The following IL3RA variants were observed in gnomAD, a reference collection of about 807,000 sequenced individuals.
IL3RA encodes interleukin-3 receptor subunit alpha.
IL3RA carries 73 observed loss-of-function variants against 52.3 expected under a neutral mutation model. That is an observed-to-expected ratio of 1.40 (90% CI 1.16 to 1.70). IL3RA has a LOEUF of 1.70. Among genes scored for constraint, IL3RA ranks in the 40% most tolerant of loss-of-function variants. IL3RA has a pLI of 0.00. For missense variants in IL3RA, 664 were observed against 504.4 expected, an observed-to-expected ratio of 1.32 and a Z score of -3.03; for synonymous variants, 260 against 194.0, an observed-to-expected ratio of 1.34 and a Z score of -2.83.
chrX:1,352,224 C>A lies in IL3RA; in HGVS notation c.423C>A (p.Asn141Lys), dbSNP rs142385163. 2 of 1,613,616 alleles carry A rather than the reference C, an allele frequency of 1.2e-6. No individual in the cohort carries two copies. Among genetic ancestry groups the A allele is most frequent in the Admixed American group, 1.7e-5 (1 of 59,988 alleles). The change falls in exon 5 of 12, where the codon AAC becomes AAA. Residue 141 changes from asparagine to lysine, a missense_variant. Physicochemically the swap from Asn to Lys is moderately conservative, Grantham distance 94. Coordinates refer to ENST00000331035, the MANE Select transcript of IL3RA (RefSeq NM_002183.4). ...ACGTCCAGTACGACCTGTACTTGAA[C>A]GTTGCCAAGTAGGTGTGCCCGTGGG... is the stretch of plus-strand genomic sequence containing the variant. ...PADVQYDLYL[N>K]VANRRQQYEC... is the part of the protein sequence containing the mutation.
In IL3RA at chrX:1,358,992, AAAT is replaced by A. The variant is rs2086951842; in HGVS notation, c.759+109_759+111del. ...AAAATATTAATAATTCTTATTAATA[AAAT>A]AATGAAAATATTATTAATAATAAAT... On this transcript the variant is annotated intron_variant, in intron 8 of 11. Transcript: ENST00000331035. 1.0e-5 allele frequency: 8 copies of A among 764,602 alleles called. No homozygotes were observed. In the South Asian group the frequency reaches 2.1e-4, roughly 20 times the overall value. The allele number at this position is 764,602 out of a possible 1,614,324, so 47.4% of individuals were successfully genotyped here.
intron 4 of IL3RA, 32 bp downstream of exon 4, chrX:1,348,577 C>T: frequency 6.7e-7 from 1 of 1,502,594 alleles, no homozygotes; most frequent in Non-Finnish European, 9.3e-7. Context: ...TGTTTATTCT[C>T]TATTCCCTCC....
Position 1,348,644 on chromosome X carries a change from C to CTTTTTCTTTCTTTT in IL3RA, c.298+100_298+101insTTTTCTTTCTTTTT, listed in dbSNP as rs1355205373. 6.1e-6 allele frequency: 3 copies of CTTTTTCTTTCTTTT among 493,092 alleles called. No individual in the cohort carries two copies. The African/African-American group carries it at 1.1e-4, about 19-fold the overall frequency. The allele number at this position is 493,092 out of a possible 1,614,324, so 30.5% of individuals were successfully genotyped here. A position where few individuals can be genotyped will look rare whatever the true frequency, so the allele number is the denominator to read the frequency against. On this transcript the variant is annotated intron_variant, in intron 4 of 11. Coordinates refer to ENST00000331035, the MANE Select transcript of IL3RA (RefSeq NM_002183.4). ...GCTGTGTCTTTTTTCTTTTCTTTTT[C>CTTTTTCTTTCTTTT]TCTTTCTTTCTTTCTTTCTTTCTTT...
At chrX:1,359,112 C>G (rs1272669266) in intron 8 of IL3RA, among the ~76,000 whole-genome samples, 1 of 151,924 alleles carries the variant, frequency 6.6e-6, no homozygotes, top group East Asian at 1.9e-4. Flanking sequence ...TTCACATCCC[C>G]AAATTGAGGG....
chrX:1,345,633 G>A lies in IL3RA; in HGVS notation c.183+199G>A, dbSNP rs779939536. Among the ~76,000 whole-genome samples the A allele has an allele frequency of 2.0e-4, 31 of 151,766 alleles. No individual in the cohort carries two copies. The East Asian group carries it at 6.0e-3, about 30-fold the overall frequency. On this transcript the variant is annotated intron_variant, in intron 3 of 11. Coordinates refer to ENST00000331035, the MANE Select transcript of IL3RA (RefSeq NM_002183.4). ...ACCTCCCGAGTAGCTGGGACTACAG[G>A]CGCCCGCCACCATGCCCGGCTAATT... is the stretch of plus-strand genomic sequence containing the variant.
Position 1,348,433 on chromosome X carries a change from A to C in IL3RA, c.186A>C (p.Ala62=), listed in dbSNP as rs768234844. The change falls in exon 4 of 12, where the codon GCA becomes GCC. Residue 62 remains alanine, a splice_region_variant and synonymous_variant. Transcript: ENST00000331035. The part of the protein sequence containing the change: ...CVKDADYSMP[A]VNNSYCQFGA... ...TCATAGTCCTATGTCTCTCTTAGGCAGTGAACAATAGCTATTGCCAGTTTG... is the reference window on the plus strand; with the variant it reads ...TCATAGTCCTATGTCTCTCTTAGGCCGTGAACAATAGCTATTGCCAGTTTG... 9 of 1,610,500 alleles carry C rather than the reference A, an allele frequency of 5.6e-6. No homozygotes were observed. The African/African-American group carries it at 8.0e-5, about 14-fold the overall frequency.
In IL3RA at chrX:1,348,376, G is replaced by C. The variant is rs2085872271; in HGVS notation, c.184-55G>C. 9.6e-6 allele frequency: 13 copies of C among 1,352,274 alleles called. 1 individual carries two copies. In the South Asian group the frequency reaches 1.4e-4, roughly 15 times the overall value. The allele number at this position is 1,352,274 out of a possible 1,614,324, so 83.8% of individuals were successfully genotyped here. A position where few individuals can be genotyped will look rare whatever the true frequency, so the allele number is the denominator to read the frequency against. On this transcript the variant is annotated intron_variant, in intron 3 of 11. Transcript: ENST00000331035. ...CTCAAAAAAAATCTGAACATCATTA[G>C]CGTCAAATTAAGCATGGTCTGTCAG...
intron 4 of IL3RA, among the ~76,000 whole-genome samples, chrX:1,349,579 A>G (rs1268392317): frequency 6.7e-6 from 1 of 149,416 alleles, no homozygotes. Flanking sequence ...CCCAAAGTGC[A>G]GGGATTGTAA....
chrX:1,344,356 C>A (rs1276117622), intron 2 of IL3RA, among the ~76,000 whole-genome samples: 1 of 151,902 alleles, frequency 6.6e-6, no homozygotes, highest in Non-Finnish European at 1.5e-5. Context: ...ATCGCTTGAA[C>A]CCGGGAGGCG....
At position 1,348,339 on chromosome X, in the gene IL3RA, G is replaced by A; in HGVS notation, c.184-92G>A. On this transcript the variant is annotated intron_variant, in intron 3 of 11. Transcript: ENST00000331035. Reference sequence around the variant, plus strand: ...CTGCACTCCAGCGTGGGCGACGAGAGCGAAACTCTGCCTCAAAAAAAATCT... The same window carrying A: ...CTGCACTCCAGCGTGGGCGACGAGAACGAAACTCTGCCTCAAAAAAAATCT... 3 of 1,005,414 alleles carry A rather than the reference G, an allele frequency of 3.0e-6. No individual in the cohort carries two copies. The South Asian group carries it at 3.9e-5, about 13-fold the overall frequency. 62.3% of individuals were successfully genotyped at this position (1,005,414 alleles called of 1,614,324 possible).
At chrX:1,339,775 A>G (rs2085419711) in intron 1 of IL3RA, among the ~76,000 whole-genome samples, 1 of 152,044 alleles carries the variant, frequency 6.6e-6, no homozygotes, top group Non-Finnish European at 1.5e-5. Flanking sequence ...CTGGACAACA[A>G]GAGTGAGACT....
In IL3RA at chrX:1,368,724, G is replaced by A. The variant is rs2088387933; in HGVS notation, c.874+3472G>A. Among the ~76,000 whole-genome samples, 4 of 151,126 alleles carry A rather than the reference G, an allele frequency of 2.6e-5. No individual in the cohort carries two copies. The Admixed American group carries it at 2.6e-4, about 10-fold the overall frequency. Reference sequence around the variant, plus strand: ...CCCTGTGGGACACAGGGAGAAGACGGCGTCTCCAAGCCCAGGAGAGGGGCC... The same window carrying A: ...CCCTGTGGGACACAGGGAGAAGACGACGTCTCCAAGCCCAGGAGAGGGGCC... On this transcript the variant is annotated intron_variant, in intron 9 of 11. Transcript: ENST00000331035.
intron 1 of IL3RA, among the ~76,000 whole-genome samples, chrX:1,337,419 C>G (rs193039995): frequency 6.6e-6 from 1 of 152,146 alleles, no homozygotes; most frequent in Admixed American, 6.6e-5. Flanking sequence ...CAAAGGCTGG[C>G]GGGACTCAGA....
chrX:1,379,034 G>A (rs768339493), intron 10 of IL3RA, among the ~76,000 whole-genome samples: 1 of 152,056 alleles, frequency 6.6e-6, no homozygotes, highest in Non-Finnish European at 1.5e-5. Context: ...GTAGAGACGG[G>A]GTTTTGCCAT....
intron 8 of IL3RA, among the ~76,000 whole-genome samples, chrX:1,359,808 TTCTCTCTC>T (rs373695054): frequency 7.7e-5 from 10 of 130,500 alleles, no homozygotes; most frequent in East Asian, 2.6e-4. Flanking sequence ...CTCCCTCTCT[TTCTCTCTC>T]TCTCTCTCTC....
In IL3RA at chrX:1,363,948, C is replaced by T. The variant is rs191425754; in HGVS notation, c.760-1190C>T. On this transcript the variant is annotated intron_variant, in intron 8 of 11. Coordinates refer to ENST00000331035, the MANE Select transcript of IL3RA (RefSeq NM_002183.4). Reference sequence around the variant, plus strand: ...TGGTAATCCCAGCCCTTTGGGAGGCCGAGGCGGGTGGATCATGAGGTCAGG... The same window carrying T: ...TGGTAATCCCAGCCCTTTGGGAGGCTGAGGCGGGTGGATCATGAGGTCAGG... Among the ~76,000 whole-genome samples the T allele has an allele frequency of 1.1e-3, 167 of 148,326 alleles. No homozygotes were observed. In the East Asian group the frequency reaches 0.031, roughly 27 times the overall value.
At chrX:1,377,429 C>T (rs1354543109) in intron 9 of IL3RA, among the ~76,000 whole-genome samples, 18 of 152,000 alleles carry the variant, frequency 1.2e-4, no homozygotes, top group East Asian at 7.8e-4. Context: ...TTATTAGAGA[C>T]GGGCTTTCTG....
intron 2 of IL3RA, among the ~76,000 whole-genome samples, chrX:1,344,028 T>TCA (rs1569519578): frequency 6.6e-6 from 1 of 151,896 alleles, no homozygotes; most frequent in Non-Finnish European, 1.5e-5. Context: ...TCACTTGACC[T>TCA]GGTGATCCGC....
At chrX:1,355,459 A>C (rs2086630778) in intron 6 of IL3RA, among the ~76,000 whole-genome samples, 1 of 48,486 alleles carries the variant, frequency 2.1e-5, no homozygotes, top group Non-Finnish European at 3.9e-5. Context: ...CCAGGAGGGT[A>C]GGAGGAGGGG....
Sources: allele counts gnomAD v4.1 joint callset (sites outside exome capture counted in the v4.1 genomes callset), GRCh38; gene constraint gnomAD v4.1.1; transcripts MANE v1.5; gene names NCBI Gene and HGNC (gene_info 2026-07-23, HGNC 2026-07-21).